MBD2: variants seen among roughly 807,000 people sequenced by gnomAD.
MBD2 encodes methyl-CpG binding domain protein 2.
MBD2 carries 9 observed loss-of-function variants against 39.3 expected under a neutral mutation model. The observed-to-expected ratio is 0.23, with a 90% confidence interval of 0.14 to 0.40. The LOEUF (loss-of-function observed/expected upper bound fraction) is 0.40. MBD2 is among the 10% of genes least tolerant of loss of function. MBD2 has a pLI of 1.00. For synonymous variants in MBD2, 233 were observed against 211.1 expected (o/e 1.10, Z -0.90); for missense variants, 458 against 532.6 (o/e 0.86, Z 1.38).
chr18:54,221,093 G>A (rs1027452397), intron 1 of MBD2, among the ~76,000 whole-genome samples: 1 of 152,188 alleles, frequency 6.6e-6, no homozygotes, highest in African/African-American at 2.4e-5. Flanking sequence ...TTTCATTTTA[G>A]AGAGCAATTA....
intron 5 of MBD2, among the ~76,000 whole-genome samples, chr18:54,160,727 A>G (rs2086090955): frequency 6.6e-6 from 1 of 152,022 alleles, no homozygotes; most frequent in Non-Finnish European, 1.5e-5. Context: ...TCTAGCAAAC[A>G]AAGCTCGGTA....
At chr18:54,172,386 A>G (rs2086184456) in intron 3 of MBD2, among the ~76,000 whole-genome samples, 1 of 152,222 alleles carries the variant, frequency 6.6e-6, no homozygotes, top group African/African-American at 2.4e-5. Flanking sequence ...CTCCAAGAAA[A>G]CACTTCCAGA....
chr18:54,189,531 T>C (rs763137382), intron 2 of MBD2, among the ~76,000 whole-genome samples: 7 of 152,028 alleles, frequency 4.6e-5, no homozygotes, highest in Non-Finnish European at 8.8e-5. Context: ...CAGCTTTTTG[T>C]ATACTTTTAA....
intron 3 of MBD2, among the ~76,000 whole-genome samples, chr18:54,184,351 GT>G (rs1189892970): frequency 6.6e-6 from 1 of 152,064 alleles, no homozygotes; most frequent in Middle Eastern, 3.2e-3. Flanking sequence ...AGGAATCTAG[GT>G]TGCATGCTCC....
chr18:54,187,833 C>T, intron 3 of MBD2: 1 of 985,810 alleles, frequency 1.0e-6, no homozygotes, highest in Non-Finnish European at 1.2e-6. Context: ...GTTTTCCTGG[C>T]TCACCTGAAG....
chr18:54,180,999 C>T (rs2086248530), intron 3 of MBD2, among the ~76,000 whole-genome samples: 1 of 147,376 alleles, frequency 6.8e-6, no homozygotes, highest in South Asian at 2.2e-4. Flanking sequence ...TGGGTTCAAG[C>T]AATTCTCATG....
At position 54,159,907 on chromosome 18, in the gene MBD2, T is replaced by C; in HGVS notation, c.1110-4A>G. 1 of 1,611,064 alleles carries C rather than the reference T, an allele frequency of 6.2e-7. No individual in the cohort carries two copies. The highest frequency in any genetic ancestry group is 8.5e-7 in the Non-Finnish European group (1 of 1,179,930). On this transcript the variant is annotated splice_polypyrimidine_tract_variant and splice_region_variant and intron_variant, in intron 5 of 6. Coordinates refer to ENST00000256429, the MANE Select transcript of MBD2 (RefSeq NM_003927.5). The stretch of plus-strand genomic sequence containing the variant: ...CTGTACTCGCTCTTCCTGTTTCCTT[T>C]TTAAAAACAGAATAAAAAGGCACTG...
intron 2 of MBD2, among the ~76,000 whole-genome samples, chr18:54,198,820 A>G (rs2086384975): frequency 6.6e-6 from 1 of 152,218 alleles, no homozygotes; most frequent in African/African-American, 2.4e-5. Flanking sequence ...GTTCCTTCCA[A>G]GCTGACCTCT....
chr18:54,177,382 C>A (rs898910894), intron 3 of MBD2, among the ~76,000 whole-genome samples: 1 of 152,130 alleles, frequency 6.6e-6, no homozygotes, highest in African/African-American at 2.4e-5. Context: ...ACTGCAGGAA[C>A]TTTGATCTCT....
intron 5 of MBD2, 97 bp downstream of exon 5, chr18:54,164,426 T>C (rs1327847132): frequency 9.6e-7 from 1 of 1,039,780 alleles, no homozygotes; most frequent in Non-Finnish European, 1.4e-6. Flanking sequence ...CTAGGTGATA[T>C]ATCACTTACT....
chr18:54,179,904 ATC>A, intron 3 of MBD2, among the ~76,000 whole-genome samples: 1 of 148,456 alleles, frequency 6.7e-6, no homozygotes, highest in Non-Finnish European at 1.5e-5. Flanking sequence ...GGACAAAAAA[ATC>A]AAAGGTTTAA....
Position 54,164,558 on chromosome 18 carries a change from G to C in MBD2, c.1074C>G (p.Leu358=). Residue 358 remains leucine, a synonymous_variant, in exon 5 of 7, where the codon CTC becomes CTG. Transcript: ENST00000256429. ...PAVWLNTSQP[L]CKAFIVTDED... is the part of the protein sequence containing the mutation. ...CATCTGTGACAATAAAAGCTTTGCA[G>C]AGGGGTTGAGATGTGTTAAGCCAAA... 4 of 1,613,978 alleles carry C rather than the reference G, an allele frequency of 2.5e-6. No individual in the cohort carries two copies. The highest frequency in any genetic ancestry group is 3.4e-6 in the Non-Finnish European group (4 of 1,179,842).
At chr18:54,167,228 C>T (rs530920427) in intron 3 of MBD2, among the ~76,000 whole-genome samples, 125 of 152,262 alleles carry the variant, frequency 8.2e-4, no homozygotes, top group Admixed American at 3.0e-3. Context: ...CTGGACTCAG[C>T]GTGAGGATCT....
At chr18:54,205,680 C>T (rs2086444203) in intron 1 of MBD2, among the ~76,000 whole-genome samples, 1 of 151,552 alleles carries the variant, frequency 6.6e-6, no homozygotes, top group South Asian at 2.1e-4. Context: ...TAATATAATG[C>T]TCCCCTAGGT....
intron 1 of MBD2, among the ~76,000 whole-genome samples, chr18:54,209,173 G>A (rs12326943): frequency 0.034 from 5,131 of 151,786 alleles, 126 homozygotes; most frequent in Non-Finnish European, 0.046. Flanking sequence ...GCGTGCGCCC[G>A]TAATCCCTGC....
chr18:54,219,996 T>A (rs1413778907), intron 1 of MBD2, among the ~76,000 whole-genome samples: 3 of 151,868 alleles, frequency 2.0e-5, no homozygotes, highest in African/African-American at 7.3e-5. Context: ...AGAAACAGGG[T>A]TTCATCATGT....
chr18:54,209,953 T>G (rs1443396155), intron 1 of MBD2, among the ~76,000 whole-genome samples: 1 of 152,230 alleles, frequency 6.6e-6, no homozygotes, highest in Admixed American at 6.5e-5. Flanking sequence ...AAGCTTTTAT[T>G]TTAAAAGCAT....
chr18:54,167,212 G>A lies in MBD2; in HGVS notation c.841-1046C>T, dbSNP rs373975917. ...TATTTGTGGGAATGACTGAAAATGG[G>A]AGCAACTGGACTCAGCGTGAGGATC... On this transcript the variant is annotated intron_variant, in intron 3 of 6. Transcript: ENST00000256429. 7.2e-5 allele frequency among the ~76,000 whole-genome samples: 11 copies of A among 152,290 alleles called. 1 individual carries two copies. Among genetic ancestry groups the A allele is most frequent in the African/African-American group, 2.4e-4 (10 of 41,556 alleles).
chr18:54,160,102 A>G, intron 5 of MBD2, 199 bp from the exon 6 acceptor site: 1 of 550,256 alleles, frequency 1.8e-6, no homozygotes, highest in Non-Finnish European at 3.2e-6. Flanking sequence ...GAATGTTCAC[A>G]GAGGCAGTTA....
Sources: gnomAD v4.1 joint callset for allele counts (sites outside exome capture counted in the v4.1 genomes callset) on GRCh38, gnomAD v4.1.1 for gene constraint, MANE v1.5 for transcripts, NCBI Gene and HGNC (gene_info 2026-07-23, HGNC 2026-07-21) for gene names.